The following TMIGD3 variants were observed in gnomAD, a reference collection of about 807,000 sequenced individuals.
The protein encoded by TMIGD3 is transmembrane and immunoglobulin domain containing 3.
Under a neutral mutation model 28.1 loss-of-function variants are expected in TMIGD3, and 21 were observed. The observed-to-expected ratio is 0.75, with a 90% CI of 0.53 to 1.08. TMIGD3 has a LOEUF of 1.08. TMIGD3 is among the 50% of genes least tolerant of loss of function. TMIGD3 has a pLI of 0.00. For missense variants in TMIGD3, 416 were observed against 435.6 expected (o/e 0.96, Z 0.40); for synonymous variants, 151 against 162.1 (o/e 0.93, Z 0.52).
At chr1:111,507,623 C>A (rs1381199450), upstream of TMIGD3, among the ~76,000 whole-genome samples, 1 of 152,206 alleles carries the variant, frequency 6.6e-6, no homozygotes. Flanking sequence ...GCCTCTGGAG[C>A]CCTAGAGCTG....
upstream of TMIGD3, among the ~76,000 whole-genome samples, chr1:111,505,210 C>T (rs1294074670): frequency 6.6e-6 from 1 of 152,040 alleles, no homozygotes; most frequent in Non-Finnish European, 1.5e-5. Context: ...AAAACCCTCC[C>T]TCCCCTACCC....
intron 1 of TMIGD3, chr1:111,499,822 G>A (rs575559133): frequency 1.2e-5 from 18 of 1,510,508 alleles, no homozygotes; most frequent in Admixed American, 2.3e-5. Context: ...GGGAGCACTG[G>A]AGATGCTCCC....
chr1:111,492,675 G>A (rs999215103), intron 1 of TMIGD3, among the ~76,000 whole-genome samples: 3 of 152,026 alleles, frequency 2.0e-5, no homozygotes, highest in Admixed American at 6.6e-5. Flanking sequence ...TTAGCCAGGC[G>A]TGGTGGTGCG....
chr1:111,507,134 T>C (rs1655536255), upstream of TMIGD3, among the ~76,000 whole-genome samples: 1 of 151,266 alleles, frequency 6.6e-6, no homozygotes. Flanking sequence ...TCAATTTTAC[T>C]AGAAGAGGCT....
intron 1 of TMIGD3, among the ~76,000 whole-genome samples, chr1:111,512,588 GCACCAC>G (rs1655727532): frequency 1.3e-5 from 2 of 152,224 alleles, no homozygotes; most frequent in South Asian, 4.1e-4. Context: ...TTGGTCCCCT[GCACCAC>G]CACCTTGGGC....
chr1:111,544,340 A>G (rs1330297276), intron 1 of TMIGD3, among the ~76,000 whole-genome samples: 1 of 152,178 alleles, frequency 6.6e-6, no homozygotes, highest in Non-Finnish European at 1.5e-5. Context: ...ATCCAATTCC[A>G]GAGTATTTCC....
At chr1:111,553,268 A>C (rs1657344703) in intron 1 of TMIGD3, among the ~76,000 whole-genome samples, 1 of 152,240 alleles carries the variant, frequency 6.6e-6, no homozygotes, top group South Asian at 2.1e-4. Context: ...CCATTATAGA[A>C]GATTTGAGTT....
chr1:111,535,240 C>T (rs1656600123), intron 1 of TMIGD3, among the ~76,000 whole-genome samples: 1 of 152,222 alleles, frequency 6.6e-6, no homozygotes, highest in African/African-American at 2.4e-5. Flanking sequence ...CCACCCACCC[C>T]ACCTCTAAAC....
intron 1 of TMIGD3, among the ~76,000 whole-genome samples, chr1:111,556,601 G>A (rs923357906): frequency 2.6e-5 from 4 of 152,146 alleles, no homozygotes; most frequent in Non-Finnish European, 4.4e-5. Context: ...CACAAGCTAC[G>A]ACATGGATGA....
In TMIGD3 at chr1:111,502,925, C is replaced by T. The variant is rs1030560617; in HGVS notation, c.350+80G>A. 7.2e-6 allele frequency: 11 copies of T among 1,526,936 alleles called. No homozygotes were observed. The Admixed American group carries it at 2.2e-4, about 31-fold the overall frequency. The allele number at this position is 1,526,936 out of a possible 1,614,324, so 94.6% of individuals were successfully genotyped here. A position where few individuals can be genotyped will look rare whatever the true frequency, so the allele number is the denominator to read the frequency against. ...AAGGGCCAATTTGGATACATTTTTACTCAAAAAGTCTGGGCTCTGGGCTTT... is the reference window on the plus strand; with the variant it reads ...AAGGGCCAATTTGGATACATTTTTATTCAAAAAGTCTGGGCTCTGGGCTTT... On this transcript the variant is annotated intron_variant, in intron 1 of 5. Transcript: ENST00000369716.
intron 1 of TMIGD3, among the ~76,000 whole-genome samples, chr1:111,532,730 G>T (rs942700498): frequency 6.6e-6 from 1 of 152,200 alleles, no homozygotes; most frequent in African/African-American, 2.4e-5. Flanking sequence ...GTCTCTGTGG[G>T]ACACCACTCA....
intron 1 of TMIGD3, among the ~76,000 whole-genome samples, chr1:111,495,410 G>C (rs1654847049): frequency 6.6e-6 from 1 of 152,116 alleles, no homozygotes. Context: ...AAATCAAAAT[G>C]AGATACCATC....
In TMIGD3 at chr1:111,558,179, T is replaced by G. The variant is rs547596381; in HGVS notation, c.107+5667A>C. ...GGGTTAAAAAAGTCAATATGGAAAT[T>G]TTTTTCTTTTTGTTTTGAGACAGGG... is the stretch of plus-strand genomic sequence containing the variant. On this transcript the variant is annotated intron_variant, in intron 1 of 5. Coordinates refer to the TMIGD3 transcript ENST00000369717. 2.0e-5 allele frequency among the ~76,000 whole-genome samples: 3 copies of G among 152,112 alleles called. No individual in the cohort carries two copies. The South Asian group carries it at 6.2e-4, about 32-fold the overall frequency.
chr1:111,513,463 C>A (rs1443339392), intron 1 of TMIGD3, among the ~76,000 whole-genome samples: 2 of 152,196 alleles, frequency 1.3e-5, no homozygotes, highest in East Asian at 3.8e-4. Context: ...TTCATTAACC[C>A]TGGAAACATT....
chr1:111,500,649 T>C, intron 1 of TMIGD3: 2 of 1,182,790 alleles, frequency 1.7e-6, no homozygotes, highest in Non-Finnish European at 1.2e-6. Context: ...AGAGGTGAGA[T>C]AAGGCATATA....
chr1:111,501,198 T>A (rs1655156523), intron 1 of TMIGD3: 1 of 152,450 alleles, frequency 6.6e-6, no homozygotes, highest in African/African-American at 2.4e-5. Flanking sequence ...CCTCTACCTG[T>A]GCCTGCTCCT....
chr1:111,536,791 TC>T (rs1157737324), intron 1 of TMIGD3, among the ~76,000 whole-genome samples: 1 of 151,248 alleles, frequency 6.6e-6, no homozygotes, highest in Non-Finnish European at 1.5e-5. Context: ...CAAGCACTGT[TC>T]CTCCGTGTGG....
intron 1 of TMIGD3, among the ~76,000 whole-genome samples, chr1:111,521,744 C>T (rs1399244133): frequency 6.6e-6 from 1 of 152,088 alleles, no homozygotes; most frequent in African/African-American, 2.4e-5. Context: ...TTAAGAGTGC[C>T]TTATGAAGGA....
chr1:111,530,071 G>A (rs539176934), intron 1 of TMIGD3, among the ~76,000 whole-genome samples: 9 of 151,796 alleles, frequency 5.9e-5, no homozygotes, highest in African/African-American at 1.2e-4. Context: ...CAGTAGGGGC[G>A]GCCGGGCAGA....
Sources: allele counts gnomAD v4.1 joint callset (sites outside exome capture counted in the v4.1 genomes callset), GRCh38; gene constraint gnomAD v4.1.1; transcripts MANE v1.5; gene names NCBI Gene and HGNC (gene_info 2026-07-23, HGNC 2026-07-21).